Variants in PCDH11X observed in about 807,000 individuals in gnomAD.
The protein encoded by PCDH11X is protocadherin 11 X-linked.
A neutral mutation model predicts 53.3 loss-of-function variants in PCDH11X; 18 were observed. That is an observed-to-expected ratio of 0.34 (90% CI 0.23 to 0.50). The LOEUF (loss-of-function observed/expected upper bound fraction) is 0.50. Ranked by LOEUF, PCDH11X falls within the 20% of genes least tolerant of loss-of-function variation. PCDH11X has a pLI of 0.98. For synonymous variants in PCDH11X, 279 were observed against 393.3 expected (o/e 0.71, Z 3.44); for missense variants, 570 against 1,032.4 (o/e 0.55, Z 6.14).
In PCDH11X at chrX:92,010,434, C is replaced by A. The variant is rs776067387; in HGVS notation, c.3033+131161C>A. Reference sequence around the variant, plus strand: ...ATTACATCTCTCATTTTTCTTCTTACTTATCATGTGCTTACAGACATAGCC... The same window carrying A: ...ATTACATCTCTCATTTTTCTTCTTAATTATCATGTGCTTACAGACATAGCC... On this transcript the variant is annotated intron_variant, in intron 6 of 10. Transcript: ENST00000682573. Among the ~76,000 whole-genome samples, 7 of 110,092 alleles carry A rather than the reference C, an allele frequency of 6.4e-5. No homozygotes were observed. In the South Asian group the frequency reaches 2.4e-3, roughly 37 times the overall value.
intron 9 of PCDH11X, among the ~76,000 whole-genome samples, chrX:92,449,417 T>C (rs1247156134): frequency 8.9e-6 from 1 of 111,777 alleles, no homozygotes; most frequent in East Asian, 2.8e-4. Flanking sequence ...CCAAGAAACA[T>C]CAAGCAACAG....
At chrX:92,499,783 G>A (rs2073929244) in intron 10 of PCDH11X, among the ~76,000 whole-genome samples, 1 of 106,452 alleles carries the variant, frequency 9.4e-6, no homozygotes, top group Admixed American at 1.0e-4. Context: ...AGTGAGCCAT[G>A]ATTATGCCAG....
chrX:92,225,331 C>CA (rs35632625), intron 7 of PCDH11X, among the ~76,000 whole-genome samples: 14,674 of 69,254 alleles, frequency 0.21, 1,139 homozygotes, highest in Admixed American at 0.35. Context: ...CACAATAATT[C>CA]AAAAAAAAAA....
intron 6 of PCDH11X, among the ~76,000 whole-genome samples, chrX:92,193,046 TA>T (rs1207552932): frequency 1.7e-4 from 19 of 112,101 alleles, no homozygotes; most frequent in African/African-American, 5.8e-4. Flanking sequence ...GCCCCCAGGT[TA>T]TACAATTATA....
chrX:91,869,438 G>A (rs750581178), intron 5 of PCDH11X, among the ~76,000 whole-genome samples: 8 of 111,193 alleles, frequency 7.2e-5, no homozygotes, highest in African/African-American at 9.8e-5. Flanking sequence ...GTGTGATCAC[G>A]GGCAAGTCAC....
At chrX:92,388,306 T>C in intron 9 of PCDH11X, among the ~76,000 whole-genome samples, 1 of 111,187 alleles carries the variant, frequency 9.0e-6, no homozygotes, top group East Asian at 2.8e-4. Context: ...ATTTTATTTT[T>C]ATTTTTAGTA....
At chrX:92,553,924 G>T (rs1602319340) in intron 10 of PCDH11X, among the ~76,000 whole-genome samples, 1 of 111,342 alleles carries the variant, frequency 9.0e-6, no homozygotes, top group Non-Finnish European at 1.9e-5. Flanking sequence ...AGGAGTAAAA[G>T]CTTGGTAAAT....
At chrX:92,306,120 C>T (rs1268965551) in intron 8 of PCDH11X, among the ~76,000 whole-genome samples, 1 of 110,339 alleles carries the variant, frequency 9.1e-6, no homozygotes, top group African/African-American at 3.3e-5. Flanking sequence ...AAGGAAAATC[C>T]AAAATATGTG....
At position 92,420,517 on chromosome X, in the gene PCDH11X, C is replaced by T. The variant is rs200655462; in HGVS notation, c.3343+32584C>T. 2.3e-5 allele frequency: 8 copies of T among 354,691 alleles called. No individual in the cohort carries two copies. In the East Asian group the frequency reaches 6.4e-4, roughly 28 times the overall value. The allele number at this position is 354,691 out of a possible 1,213,427, so 29.2% of individuals were successfully genotyped here. A position where few individuals can be genotyped will look rare whatever the true frequency, so the allele number is the denominator to read the frequency against. On this transcript the variant is annotated intron_variant, in intron 9 of 10. Transcript: ENST00000682573. ...TGAGTTTCCCTTCATCTACGAATGC[C>T]TTTCTTTATCCTTCATCCCAAGGAG...
chrX:92,572,610 G>A (rs1167550587), intron 10 of PCDH11X, among the ~76,000 whole-genome samples: 3 of 109,256 alleles, frequency 2.7e-5, no homozygotes, highest in East Asian at 2.8e-4. Flanking sequence ...CTGGCCAGGC[G>A]CAGTGGCTCA....
intron 8 of PCDH11X, among the ~76,000 whole-genome samples, chrX:92,341,313 A>G (rs1569469329): frequency 1.8e-5 from 2 of 111,604 alleles, no homozygotes; most frequent in Admixed American, 1.9e-4. Context: ...CGACTCTTCA[A>G]ACCTTCGCCT....
intron 8 of PCDH11X, among the ~76,000 whole-genome samples, chrX:92,363,783 C>A (rs2148542591): frequency 9.0e-6 from 1 of 111,162 alleles, no homozygotes; most frequent in African/African-American, 3.3e-5. Context: ...ATGATATTAG[C>A]TGCAGGCTTT....
chrX:92,576,009 T>TACAC lies in PCDH11X; in HGVS notation c.3368-42254_3368-42253insCACA, dbSNP rs1333651511. On this transcript the variant is annotated intron_variant, in intron 10 of 10. Transcript: ENST00000682573. Reference sequence around the variant, plus strand: ...ATATATATATATATATATATATATATATACACACACACACACACACACACA... The same window carrying TACAC: ...ATATATATATATATATATATATATATACACATACACACACACACACACACACACA... 1.3e-4 allele frequency among the ~76,000 whole-genome samples: 4 copies of TACAC among 30,429 alleles called. 1 individual carries two copies. The highest frequency in any genetic ancestry group is 4.3e-4 in the African/African-American group (2 of 4,694). The allele number at this position is 30,429 out of a possible 115,157, so 26.4% of individuals were successfully genotyped here. A position where few individuals can be genotyped will look rare whatever the true frequency, so the allele number is the denominator to read the frequency against.
chrX:91,810,464 C>G lies in PCDH11X; in HGVS notation c.-209-9C>G, dbSNP rs1936260819. On this transcript the variant is annotated splice_polypyrimidine_tract_variant and intron_variant, in intron 2 of 10. Coordinates refer to ENST00000682573, the MANE Select transcript of PCDH11X (RefSeq NM_032968.5). ...TGAAAGCCAACTGAAAGTGTTTTACCCCTCATAGGAAAATCCTGTTGCGAA... is the reference window on the plus strand; with the variant it reads ...TGAAAGCCAACTGAAAGTGTTTTACGCCTCATAGGAAAATCCTGTTGCGAA... 1 of 111,511 alleles carries G rather than the reference C, an allele frequency of 9.0e-6. No homozygotes were observed. Among genetic ancestry groups the G allele is most frequent in the Admixed American group, 9.6e-5 (1 of 10,468 alleles). 9.2% of individuals were successfully genotyped at this position (111,511 alleles called of 1,213,427 possible). A position where few individuals can be genotyped will look rare whatever the true frequency, so the allele number is the denominator to read the frequency against.
intron 6 of PCDH11X, among the ~76,000 whole-genome samples, chrX:92,084,487 C>T (rs902893510): frequency 4.7e-4 from 48 of 102,000 alleles, no homozygotes; most frequent in Non-Finnish European, 4.7e-4. Context: ...GCAGAGGTTG[C>T]GGTGAGCCAA....
chrX:92,372,916 CTATT>C (rs2070659676), intron 8 of PCDH11X, among the ~76,000 whole-genome samples: 1 of 111,050 alleles, frequency 9.0e-6, no homozygotes, highest in African/African-American at 3.3e-5. Flanking sequence ...CCATAAATGA[CTATT>C]CATTAACTAG....
At chrX:91,981,370 G>A (rs372216500) in intron 6 of PCDH11X, among the ~76,000 whole-genome samples, 3 of 109,802 alleles carry the variant, frequency 2.7e-5, no homozygotes, top group African/African-American at 9.9e-5. Flanking sequence ...TGTCCTTGCC[G>A]AAATTGTATA....
chrX:91,882,569 A>AAAAC (rs748361815), intron 6 of PCDH11X, among the ~76,000 whole-genome samples: 2 of 110,429 alleles, frequency 1.8e-5, no homozygotes, highest in Non-Finnish European at 3.8e-5. Flanking sequence ...CATTTTCCAA[A>AAAAC]AAACAAACAA....
At chrX:91,970,740 C>T (rs1308891788) in intron 6 of PCDH11X, among the ~76,000 whole-genome samples, 1 of 111,854 alleles carries the variant, frequency 8.9e-6, no homozygotes, top group Non-Finnish European at 1.9e-5. Flanking sequence ...CTTTCGAAAA[C>T]ATCAGGTGCA....
Sources: gnomAD v4.1 joint callset for allele counts (sites outside exome capture counted in the v4.1 genomes callset) on GRCh38, gnomAD v4.1.1 for gene constraint, MANE v1.5 for transcripts, NCBI Gene and HGNC (gene_info 2026-07-23, HGNC 2026-07-21) for gene names.